Variants in DIS3L2 observed in about 807,000 individuals in gnomAD.
The protein encoded by DIS3L2 is DIS3 like 3'-5' exoribonuclease 2.
Under a neutral mutation model 97.5 loss-of-function variants are expected in DIS3L2, and 34 were observed. The ratio of observed to expected loss-of-function variants is 0.35; its 90% confidence interval spans 0.27 to 0.46. The LOEUF (loss-of-function observed/expected upper bound fraction) is 0.46. Among genes scored for constraint, DIS3L2 ranks in the 20% least tolerant of loss-of-function variants. DIS3L2 has a pLI of 1.00. For synonymous variants in DIS3L2, 435 were observed against 445.2 expected (o/e 0.98, Z 0.29); for missense variants, 1,038 against 1,146.0 (o/e 0.91, Z 1.36).
intron 5 of DIS3L2, among the ~76,000 whole-genome samples, chr2:232,062,803 C>T (rs1356627056): frequency 6.6e-6 from 1 of 152,030 alleles, no homozygotes; most frequent in African/African-American, 2.4e-5. Context: ...TGCCTGCGTG[C>T]CTGCCTTACC....
intron 12 of DIS3L2, among the ~76,000 whole-genome samples, chr2:232,252,127 G>A (rs1693435562): frequency 1.3e-5 from 2 of 152,230 alleles, no homozygotes. Context: ...GATGCTAAGT[G>A]CCAGGTGTGG....
chr2:232,042,545 C>T (rs1306177859), intron 5 of DIS3L2, among the ~76,000 whole-genome samples: 1 of 152,070 alleles, frequency 6.6e-6, no homozygotes, highest in African/African-American at 2.4e-5. Flanking sequence ...AAGGTATATC[C>T]ACTAACATGA....
At chr2:232,169,758 C>T (rs1479257139) in intron 9 of DIS3L2, among the ~76,000 whole-genome samples, 2 of 152,084 alleles carry the variant, frequency 1.3e-5, no homozygotes, top group South Asian at 2.1e-4. Context: ...TCTACATACC[C>T]GTTTAGGTTT....
Position 232,015,645 on chromosome 2 carries a change from G to T in DIS3L2, c.184G>T (p.Gly62Cys). ...CATGTCCAAGGAGGATGTTTCAGAA[G>T]GCTTGAAGAGAGGAACACTCATCCA... ...TYMSKEDVSE[G>C]LKRGTLIQGV... is the part of the protein sequence containing the mutation. The change falls in exon 3 of 21, where the codon GGC becomes TGC. Residue 62 changes from glycine (G) to cysteine (C), a missense_variant. This residue lies in a region of DIS3L2 where 813 missense variants were observed against 880.1 expected (regional missense o/e 0.92). Transcript: ENST00000325385. 2 of 1,613,860 alleles carry T rather than the reference G, an allele frequency of 1.2e-6. No homozygotes were observed. Among genetic ancestry groups the T allele is most frequent in the Non-Finnish European group, 1.7e-6 (2 of 1,179,862 alleles).
At chr2:231,971,264 A>G (rs527591013) in intron 1 of DIS3L2, among the ~76,000 whole-genome samples, 51 of 142,020 alleles carry the variant, frequency 3.6e-4, no homozygotes, top group Non-Finnish European at 6.1e-4. Flanking sequence ...TGTACAGTTT[A>G]TTTTGTCATT....
In DIS3L2 at chr2:232,337,069, G is replaced by C; in HGVS notation, c.*439G>C. ...CCCAGTTCAGGCTTCACCCCTCGCTGCTGAGCCGATGTCAACACCTGGAAC... is the reference window on the plus strand; with the variant it reads ...CCCAGTTCAGGCTTCACCCCTCGCTCCTGAGCCGATGTCAACACCTGGAAC... On this transcript the variant is annotated 3_prime_UTR_variant, in exon 21 of 21. Transcript: ENST00000325385. 9.6e-7 allele frequency: 1 copy of C among 1,036,306 alleles called. No homozygotes were observed. The highest frequency in any genetic ancestry group is 1.2e-6 in the Non-Finnish European group (1 of 863,428). The allele number at this position is 1,036,306 out of a possible 1,614,324, so 64.2% of individuals were successfully genotyped here. A position where few individuals can be genotyped will look rare whatever the true frequency, so the allele number is the denominator to read the frequency against.
intron 6 of DIS3L2, among the ~76,000 whole-genome samples, chr2:232,088,649 A>T (rs190636421): frequency 4.2e-4 from 64 of 152,026 alleles, no homozygotes; most frequent in Admixed American, 2.5e-3. Flanking sequence ...AAGTATTTTG[A>T]TTCTAAGCCT....
chr2:232,175,877 A>G (rs1217671659), intron 9 of DIS3L2, among the ~76,000 whole-genome samples: 1 of 151,842 alleles, frequency 6.6e-6, no homozygotes, highest in Non-Finnish European at 1.5e-5. Flanking sequence ...TCTGCAGTTT[A>G]TCTTCCTAGA....
At chr2:232,046,728 A>G (rs1171662679) in intron 5 of DIS3L2, among the ~76,000 whole-genome samples, 1 of 152,230 alleles carries the variant, frequency 6.6e-6, no homozygotes, top group Non-Finnish European at 1.5e-5. Context: ...TATTGAAAAG[A>G]GATAGATTTT....
chr2:232,154,652 TTTTG>T (rs1211975263), intron 8 of DIS3L2, among the ~76,000 whole-genome samples: 1 of 120,850 alleles, frequency 8.3e-6, no homozygotes, highest in African/African-American at 3.2e-5. Flanking sequence ...ACTGCTGTCT[TTTTG>T]TTTGTCTGTG....
At position 231,979,868 on chromosome 2, in the gene DIS3L2, G is replaced by T. The variant is rs766325950; in HGVS notation, c.-94+18103G>T. Among the ~76,000 whole-genome samples, 4 of 152,248 alleles carry T rather than the reference G, an allele frequency of 2.6e-5. No homozygotes were observed. In the East Asian group the frequency reaches 7.7e-4, roughly 29 times the overall value. On this transcript the variant is annotated intron_variant, in intron 1 of 20. Coordinates refer to ENST00000325385, the MANE Select transcript of DIS3L2 (RefSeq NM_152383.5). ...TGGGATTACAGTCGTGAGCCACTGCGCCCGGCCTATTTTTTATGTGTAGTA... is the reference window on the plus strand; with the variant it reads ...TGGGATTACAGTCGTGAGCCACTGCTCCCGGCCTATTTTTTATGTGTAGTA...
intron 9 of DIS3L2, among the ~76,000 whole-genome samples, chr2:232,208,073 A>AT (rs890735473): frequency 1.3e-5 from 2 of 152,140 alleles, no homozygotes; most frequent in Non-Finnish European, 2.9e-5. Context: ...AGTCACATGA[A>AT]TTTTTTAAAA....
At chr2:232,114,387 T>G (rs1287011305) in intron 6 of DIS3L2, among the ~76,000 whole-genome samples, 1 of 152,174 alleles carries the variant, frequency 6.6e-6, no homozygotes, top group Non-Finnish European at 1.5e-5. Context: ...TGAGAGTAAC[T>G]TGGTTTCTAG....
At chr2:232,312,169 C>T (rs12473627) in intron 14 of DIS3L2, among the ~76,000 whole-genome samples, 23,189 of 152,088 alleles carry the variant, frequency 0.15, 2,886 homozygotes, top group African/African-American at 0.34. Flanking sequence ...GTTATTTTAA[C>T]GTACAGAAGT....
At chr2:232,163,371 T>C in intron 8 of DIS3L2, 88 bp from the exon 9 acceptor site, 1 of 1,399,056 alleles carries the variant, frequency 7.1e-7, no homozygotes, top group Non-Finnish European at 9.7e-7. Flanking sequence ...TTTTAAACTT[T>C]CCCACTACTT....
chr2:232,234,357 T>G lies in DIS3L2; in HGVS notation c.1205-4176T>G, dbSNP rs114685715. Among the ~76,000 whole-genome samples, 467 of 152,302 alleles carry G rather than the reference T, an allele frequency of 3.1e-3. 1 individual carries two copies. The highest frequency in any genetic ancestry group is 0.011 in the African/African-American group (441 of 41,550). ...CTATCTGTATTATTATTGTTATTAT[T>G]TTTCTTCTTCTTGAGACGGAGTCTC... On this transcript the variant is annotated intron_variant, in intron 10 of 20. Transcript: ENST00000325385.
chr2:232,286,300 G>A (rs575167278), intron 13 of DIS3L2, among the ~76,000 whole-genome samples: 7 of 152,316 alleles, frequency 4.6e-5, no homozygotes, highest in South Asian at 2.1e-4. Flanking sequence ...GGCTGACCCC[G>A]TGTCAGCACA....
chr2:232,289,595 AT>A (rs1236975918), intron 13 of DIS3L2, among the ~76,000 whole-genome samples: 1 of 152,188 alleles, frequency 6.6e-6, no homozygotes. Flanking sequence ...TTATAAGGCT[AT>A]TTCTTAAGAC....
At chr2:232,115,321 C>A in intron 6 of DIS3L2, among the ~76,000 whole-genome samples, 1 of 151,736 alleles carries the variant, frequency 6.6e-6, no homozygotes. Flanking sequence ...AAAAGAAAAA[C>A]AAACCTAATT....
Sources: allele counts gnomAD v4.1 joint callset (sites outside exome capture counted in the v4.1 genomes callset), GRCh38; gene constraint gnomAD v4.1.1; regional missense constraint gnomAD v4.1.1; transcripts MANE v1.5; gene names NCBI Gene and HGNC (gene_info 2026-07-23, HGNC 2026-07-21).